EDNRA: variants seen among roughly 807,000 people sequenced by gnomAD.
EDNRA encodes the protein endothelin receptor type A, also known as endothelin-1 receptor.
In EDNRA, 11 loss-of-function variants were observed where a neutral mutation model predicts 41.4. The ratio of observed to expected loss-of-function variants is 0.27; its 90% CI spans 0.17 to 0.44. The LOEUF is 0.44. EDNRA is among the 20% of genes least tolerant of loss of function. The pLI is 1.00. For missense variants in EDNRA, 294 were observed against 531.0 expected, an observed-to-expected ratio of 0.55 and a Z score of 4.39; for synonymous variants, 172 against 183.0, an observed-to-expected ratio of 0.94 and a Z score of 0.49.
intron 2 of EDNRA, among the ~76,000 whole-genome samples, chr4:147,497,643 C>T (rs1052918855): frequency 7.2e-5 from 11 of 152,012 alleles, no homozygotes; most frequent in Non-Finnish European, 1.2e-4. Flanking sequence ...GCGATCTTGG[C>T]TCACTACAAG....
chr4:147,511,425 C>T (rs992459681), intron 2 of EDNRA, among the ~76,000 whole-genome samples: 6 of 151,976 alleles, frequency 3.9e-5, no homozygotes, highest in Admixed American at 6.6e-5. Flanking sequence ...CTTTTTTTCC[C>T]GAAACACACA....
At chr4:147,541,049 C>G (rs1163149612) in intron 7 of EDNRA, among the ~76,000 whole-genome samples, 22 of 112,074 alleles carry the variant, frequency 2.0e-4, no homozygotes, top group African/African-American at 7.5e-4. Flanking sequence ...GCCTGGGCGA[C>G]AGAGCCAGAC....
chr4:147,516,710 GGTTTT>G (rs915889850), intron 2 of EDNRA, among the ~76,000 whole-genome samples: 3 of 151,876 alleles, frequency 2.0e-5, no homozygotes, highest in African/African-American at 7.3e-5. Context: ...GACTCTTTTG[GGTTTT>G]GTTTTGTCTT....
Position 147,540,401 on chromosome 4 carries a change from C to A in EDNRA, c.1059C>A (p.Ile353=). 1 of 1,612,788 alleles carries A rather than the reference C, an allele frequency of 6.2e-7. No homozygotes were observed. Among genetic ancestry groups the A allele is most frequent in the Non-Finnish European group, 8.5e-7 (1 of 1,179,234 alleles). Residue 353 remains isoleucine, a synonymous_variant, in exon 7 of 8, where the codon ATC becomes ATA. Coordinates refer to ENST00000651419, the MANE Select transcript of EDNRA (RefSeq NM_001957.4). ...GTTTCTTACTGCTCATGGATTACAT[C>A]GGTATTAACTTGGCAACCATGAATT... ...LLSFLLLMDY[I]GINLATMNSC...
At chr4:147,520,533 G>T (rs1381196569) in intron 3 of EDNRA, 16 of 506,234 alleles carry the variant, frequency 3.2e-5, no homozygotes, top group Non-Finnish European at 6.3e-5. Flanking sequence ...CCGCACGCAT[G>T]ATTGTTAAGC....
Position 147,487,093 on chromosome 4 carries a change from A to G in EDNRA, c.420+992A>G, listed in dbSNP as rs572217732. Among the ~76,000 whole-genome samples, 9 of 152,216 alleles carry G rather than the reference A, an allele frequency of 5.9e-5. No homozygotes were observed. In the East Asian group the frequency reaches 1.7e-3, roughly 29 times the overall value. ...GAGCAGGAGCAAGAGAGAAGGGGGC[A>G]AGGCACCACACTTGCAAACCACCAG... On this transcript the variant is annotated intron_variant, in intron 2 of 7. Transcript: ENST00000651419.
intron 4 of EDNRA, among the ~76,000 whole-genome samples, chr4:147,533,720 G>T (rs10305906): frequency 0.02 from 2,995 of 152,310 alleles, 111 homozygotes; most frequent in African/African-American, 0.068. Context: ...CAGAATTTGG[G>T]CTGTGTGAAT....
Position 147,544,566 on chromosome 4 carries a change from T to C in EDNRA, c.*1948T>C, listed in dbSNP as rs1731226560. ...TAACATCAGGTTCCAGTTGCTTGAA[T>C]TGCAAGGCTAAGAAGTACTGCCCTT... On this transcript the variant is annotated 3_prime_UTR_variant, in exon 8 of 8. Transcript: ENST00000651419. 6.6e-6 allele frequency: 1 copy of C among 152,594 alleles called. No homozygotes were observed. The highest frequency in any genetic ancestry group is 2.4e-5 in the African/African-American group (1 of 41,466). The allele number at this position is 152,594 out of a possible 1,614,324, so 9.5% of individuals were successfully genotyped here.
chr4:147,523,591 C>T (rs1226986262), intron 3 of EDNRA, among the ~76,000 whole-genome samples: 1 of 151,262 alleles, frequency 6.6e-6, no homozygotes, highest in East Asian at 1.9e-4. Flanking sequence ...CCCAGGTTCA[C>T]GCCATTCTCC....
chr4:147,502,967 A>T (rs1437594286), intron 2 of EDNRA, among the ~76,000 whole-genome samples: 1 of 152,148 alleles, frequency 6.6e-6, no homozygotes, highest in African/African-American at 2.4e-5. Flanking sequence ...TGACATTTAA[A>T]TTTTGTACCT....
At chr4:147,528,080 T>C (rs2126465355) in intron 3 of EDNRA, among the ~76,000 whole-genome samples, 1 of 152,328 alleles carries the variant, frequency 6.6e-6, no homozygotes, top group East Asian at 1.9e-4. Context: ...CCAATTAAGG[T>C]AAGGTAAGGT....
Position 147,543,386 on chromosome 4 carries a change from A to G in EDNRA, c.*768A>G, listed in dbSNP as rs200690943. ...TTTATTTTTTAAATGGTGTTTTATTACAAGGGACCTTGAACATGTTTTGTA... is the reference window on the plus strand; with the variant it reads ...TTTATTTTTTAAATGGTGTTTTATTGCAAGGGACCTTGAACATGTTTTGTA... On this transcript the variant is annotated 3_prime_UTR_variant, in exon 8 of 8. Transcript: ENST00000651419. 1.3e-5 allele frequency: 2 copies of G among 152,324 alleles called. No individual in the cohort carries two copies. The highest frequency in any genetic ancestry group is 2.9e-5 in the Non-Finnish European group (2 of 68,010). 9.4% of individuals were successfully genotyped at this position (152,324 alleles called of 1,614,324 possible).
intron 3 of EDNRA, among the ~76,000 whole-genome samples, chr4:147,527,852 G>A (rs1005294221): frequency 2.0e-5 from 3 of 152,132 alleles, no homozygotes; most frequent in Non-Finnish European, 4.4e-5. Flanking sequence ...TGGTCCAGAC[G>A]CCCCAGGTTC....
At chr4:147,507,570 G>C (rs1361732020) in intron 2 of EDNRA, among the ~76,000 whole-genome samples, 3 of 152,160 alleles carry the variant, frequency 2.0e-5, no homozygotes, top group Admixed American at 1.3e-4. Context: ...GGGTAGAAGA[G>C]GACATCAAAA....
At chr4:147,538,586 G>A (rs952768211) in intron 5 of EDNRA, among the ~76,000 whole-genome samples, 2 of 152,056 alleles carry the variant, frequency 1.3e-5, no homozygotes, top group African/African-American at 4.8e-5. Context: ...CTATTTTTCT[G>A]GGCACACTGT....
intron 3 of EDNRA, among the ~76,000 whole-genome samples, chr4:147,521,074 T>C (rs756983287): frequency 1.3e-5 from 2 of 151,954 alleles, no homozygotes; most frequent in Admixed American, 6.6e-5. Flanking sequence ...CTGAGTAACA[T>C]AGGAAAACCC....
At chr4:147,540,692 A>G (rs1190893842) in intron 7 of EDNRA, among the ~76,000 whole-genome samples, 1 of 152,154 alleles carries the variant, frequency 6.6e-6, no homozygotes, top group Non-Finnish European at 1.5e-5. Context: ...AACCACATAC[A>G]AAGAGGTTAA....
In EDNRA at chr4:147,517,386, C is replaced by A. The variant is rs536626067; in HGVS notation, c.421-2465C>A. Reference sequence around the variant, plus strand: ...TGGTTCCATGGAAGAGATTAACAAGCGGGTTCTACTTGAGGTTAGATAGTT... The same window carrying A: ...TGGTTCCATGGAAGAGATTAACAAGAGGGTTCTACTTGAGGTTAGATAGTT... On this transcript the variant is annotated intron_variant, in intron 2 of 7. Coordinates refer to ENST00000651419, the MANE Select transcript of EDNRA (RefSeq NM_001957.4). Among the ~76,000 whole-genome samples the A allele has an allele frequency of 2.0e-5, 3 of 152,238 alleles. No individual in the cohort carries two copies. The South Asian group carries it at 6.2e-4, about 32-fold the overall frequency.
At chr4:147,498,725 T>C (rs533176302) in intron 2 of EDNRA, among the ~76,000 whole-genome samples, 2 of 152,310 alleles carry the variant, frequency 1.3e-5, no homozygotes, top group East Asian at 3.9e-4. Context: ...CCACAGGCAG[T>C]CAAAGCCCAA....
Sources: allele counts gnomAD v4.1 joint callset (sites outside exome capture counted in the v4.1 genomes callset), GRCh38; gene constraint gnomAD v4.1.1; transcripts MANE v1.5; gene names NCBI Gene and HGNC (gene_info 2026-07-23, HGNC 2026-07-21).